KATNAL2: variants seen among roughly 807,000 people sequenced by gnomAD.
KATNAL2 encodes the protein katanin p60 ATPase-containing subunit A-like 2.
A neutral mutation model predicts 76.3 loss-of-function variants in KATNAL2; 52 were observed. That is an observed-to-expected ratio of 0.68 (90% CI 0.55 to 0.86). The LOEUF (loss-of-function observed/expected upper bound fraction) is 0.86. KATNAL2 is among the 40% of genes least tolerant of loss of function. The pLI is 0.00. For missense variants in KATNAL2, 660 were observed against 668.9 expected (o/e 0.99, Z 0.15); for synonymous variants, 243 against 244.2 (o/e 1.00, Z 0.05).
chr18:47,100,184 T>C, intron 16 of KATNAL2, 70 bp from the exon 17 acceptor site: 6 of 1,048,660 alleles, frequency 5.7e-6, no homozygotes, highest in Non-Finnish European at 8.9e-6. Flanking sequence ...TACTGGGTCC[T>C]GCCTATAACA....
chr18:47,083,041 G>C (rs1568011513), intron 15 of KATNAL2, among the ~76,000 whole-genome samples: 2 of 152,128 alleles, frequency 1.3e-5, no homozygotes, highest in Non-Finnish European at 2.9e-5. Context: ...TTCCTTCCCT[G>C]TTGAACATAT....
At chr18:46,942,470 C>T (rs559843345) in intron 1 of KATNAL2, among the ~76,000 whole-genome samples, 12 of 152,160 alleles carry the variant, frequency 7.9e-5, no homozygotes, top group Admixed American at 2.6e-4. Context: ...AAAAATTAGC[C>T]GGGCGTGGTG....
chr18:47,085,131 G>A (rs750329205), intron 15 of KATNAL2, among the ~76,000 whole-genome samples: 6 of 152,122 alleles, frequency 3.9e-5, no homozygotes, highest in Non-Finnish European at 7.4e-5. Context: ...AATTAATGGC[G>A]ATTAAGCTTT....
chr18:46,918,120 T>G (rs1302521586), intron 1 of KATNAL2, 194 bp downstream of exon 1: 1 of 151,958 alleles, frequency 6.6e-6, no homozygotes, highest in Non-Finnish European at 1.5e-5. Context: ...AGAAGGGCCA[T>G]GCTAAAAAGT....
chr18:47,099,308 A>C lies in KATNAL2; in HGVS notation c.1277A>C (p.Glu426Ala). 5 of 1,614,116 alleles carry C rather than the reference A, an allele frequency of 3.1e-6. No homozygotes were observed. The highest frequency in any genetic ancestry group is 3.4e-6 in the Non-Finnish European group (4 of 1,179,996). The change falls in exon 16 of 18, where the codon GAG (glutamate) becomes GCG (alanine). Residue 426 changes from glutamate to alanine, a missense_variant. Glu to Ala is a moderately radical substitution (Grantham distance 107, BLOSUM62 -1). Coordinates refer to ENST00000683218, the MANE Select transcript of KATNAL2 (RefSeq NM_001387690.1). ...KRILVDLPSR[E>A]ARQAMIYHWL... ...ATTCTGGTCGATCTCCCCAGCCGGG[A>C]GGCCAGGCAGGCCATGATCTACCAC...
intron 15 of KATNAL2, 46 bp downstream of exon 15, chr18:47,077,507 C>G (rs1170659435): frequency 1.4e-6 from 2 of 1,397,632 alleles, no homozygotes; most frequent in South Asian, 2.3e-5. Context: ...TCAGGAGTCA[C>G]TAAGTGCAAA....
chr18:46,928,542 TGAG>T (rs1413254240), intron 1 of KATNAL2, among the ~76,000 whole-genome samples: 1 of 152,094 alleles, frequency 6.6e-6, no homozygotes, highest in Non-Finnish European at 1.5e-5. Flanking sequence ...GGGACCCACT[TGAG>T]GAGGCAGTGT....
At chr18:47,031,780 T>C (rs371556670) in intron 3 of KATNAL2, among the ~76,000 whole-genome samples, 1 of 152,256 alleles carries the variant, frequency 6.6e-6, no homozygotes. Context: ...ACCTGGACTT[T>C]TTTGAGTTTT....
At chr18:47,064,138 GGT>G (rs999356455) in intron 10 of KATNAL2, among the ~76,000 whole-genome samples, 9 of 152,068 alleles carry the variant, frequency 5.9e-5, no homozygotes, top group African/African-American at 2.2e-4. Context: ...TTGTGTGTCA[GGT>G]GTGTGCTGTG....
chr18:46,949,364 C>T (rs531595258), intron 3 of KATNAL2, among the ~76,000 whole-genome samples: 1 of 152,172 alleles, frequency 6.6e-6, no homozygotes, highest in South Asian at 2.1e-4. Context: ...GTGATTCCCC[C>T]ACCTCAACCT....
At chr18:47,058,754 T>C (rs1321528172) in intron 7 of KATNAL2, among the ~76,000 whole-genome samples, 1 of 152,164 alleles carries the variant, frequency 6.6e-6, no homozygotes, top group Admixed American at 6.5e-5. Context: ...GGTTCCTAAG[T>C]GTAGGCCAGG....
At chr18:47,036,945 A>T (rs2060798312) in intron 3 of KATNAL2, among the ~76,000 whole-genome samples, 1 of 152,252 alleles carries the variant, frequency 6.6e-6, no homozygotes, top group African/African-American at 2.4e-5. Flanking sequence ...GTCAGGAAAC[A>T]AACAAGAAAC....
At chr18:47,088,575 T>G (rs1376074993) in intron 15 of KATNAL2, among the ~76,000 whole-genome samples, 2 of 152,228 alleles carry the variant, frequency 1.3e-5, no homozygotes, top group Non-Finnish European at 2.9e-5. Context: ...TATTAATTAA[T>G]AAATTTATTC....
At chr18:47,072,124 C>T (rs1303579512) in intron 13 of KATNAL2, among the ~76,000 whole-genome samples, 1 of 151,468 alleles carries the variant, frequency 6.6e-6, no homozygotes, top group Non-Finnish European at 1.5e-5. Context: ...CCATGCCTGG[C>T]TTTTTGTATT....
chr18:47,031,750 G>T (rs2060464592), intron 3 of KATNAL2, among the ~76,000 whole-genome samples: 2 of 152,110 alleles, frequency 1.3e-5, no homozygotes, highest in African/African-American at 2.4e-5. Context: ...AAGTGCTGAG[G>T]TAGGGCCTTG....
intron 1 of KATNAL2, among the ~76,000 whole-genome samples, chr18:46,932,158 G>A (rs1047840471): frequency 6.6e-6 from 1 of 151,892 alleles, no homozygotes; most frequent in African/African-American, 2.4e-5. Context: ...TGATCCGCCC[G>A]CCTTGGCCTC....
At chr18:47,033,788 A>T in intron 3 of KATNAL2, 2 of 1,614,216 alleles carry the variant, frequency 1.2e-6, no homozygotes, top group Non-Finnish European at 1.7e-6. Context: ...TTTGGTGAAG[A>T]GAGTGCTTCT....
At chr18:46,951,810 G>T (rs1036585371) in intron 3 of KATNAL2, among the ~76,000 whole-genome samples, 10 of 151,996 alleles carry the variant, frequency 6.6e-5, no homozygotes, top group African/African-American at 1.7e-4. Context: ...TTTGAGCAGG[G>T]TCTTGCTCTG....
chr18:47,092,742 C>T (rs1043338470), intron 15 of KATNAL2, among the ~76,000 whole-genome samples: 7 of 152,186 alleles, frequency 4.6e-5, no homozygotes, highest in African/African-American at 1.4e-4. Flanking sequence ...GGTTCCCCAT[C>T]GTCCTCCTGG....
Sources: allele counts gnomAD v4.1 joint callset (sites outside exome capture counted in the v4.1 genomes callset), GRCh38; gene constraint gnomAD v4.1.1; transcripts MANE v1.5; gene names NCBI Gene and HGNC (gene_info 2026-07-23, HGNC 2026-07-21).